The following MDN1 variants were observed in gnomAD, a reference collection of about 807,000 sequenced individuals.
The protein encoded by MDN1 is midasin.
A neutral mutation model predicts 669.2 loss-of-function variants in MDN1; 266 were observed. The ratio of observed to expected loss-of-function variants is 0.40; its 90% confidence interval spans 0.36 to 0.44. The LOEUF is 0.44. Among genes scored for constraint, MDN1 ranks in the 20% least tolerant of loss-of-function variants. The pLI, the probability that MDN1 is intolerant of heterozygous loss-of-function variation, is 1.00. For synonymous variants in MDN1, 2,385 were observed against 2,457.1 expected (o/e 0.97, Z 0.87); for missense variants, 5,940 against 6,754.0 (o/e 0.88, Z 4.22).
rs993794114 is a variant in MDN1 at position 89,819,661 on chromosome 6, C to G, written c.-54G>C. 2.7e-6 allele frequency: 4 copies of G among 1,489,610 alleles called. No homozygotes were observed. The highest frequency in any genetic ancestry group is 1.4e-5 in the African/African-American group (1 of 72,628). The allele number at this position is 1,489,610 out of a possible 1,614,324, so 92.3% of individuals were successfully genotyped here. On this transcript the variant is annotated 5_prime_UTR_variant, in exon 1 of 102. Coordinates refer to ENST00000369393, the MANE Select transcript of MDN1 (RefSeq NM_014611.3). The stretch of plus-strand genomic sequence containing the variant: ...CCTGCGCTCCCTACTTCGCGGCCAG[C>G]GTCCCCAAGCCGCCGAGGTCCCAGT...
At chr6:89,686,810 G>C (rs925539123) in intron 69 of MDN1, 92 bp downstream of exon 69, 1 of 1,505,476 alleles carries the variant, frequency 6.6e-7, no homozygotes. Context: ...CCATGTAGCG[G>C]GAGAAGCGGG....
intron 83 of MDN1, among the ~76,000 whole-genome samples, chr6:89,670,153 TATATATATATATATA>T (rs1810572759): frequency 1.3e-4 from 3 of 22,984 alleles, no homozygotes; most frequent in African/African-American, 2.7e-4. Context: ...TATATATATA[TATATATATATATATA>T]TATTTTTTTT....
chr6:89,815,048 T>A (rs1021653868), intron 1 of MDN1: 14 of 496,614 alleles, frequency 2.8e-5, no homozygotes, highest in African/African-American at 2.6e-4. Context: ...AAGAAAGGGG[T>A]ACAAAAGGGA....
chr6:89,817,919 C>A (rs1349220243), intron 1 of MDN1, among the ~76,000 whole-genome samples: 1 of 152,128 alleles, frequency 6.6e-6, no homozygotes, highest in Non-Finnish European at 1.5e-5. Flanking sequence ...GCTAGTAGCA[C>A]CCCCATAATG....
At position 89,708,517 on chromosome 6, in the gene MDN1, A is replaced by G. The variant is rs1010942441; in HGVS notation, c.7877T>C (p.Leu2626Pro). Residue 2626 changes from leucine to proline, a missense_variant, in exon 51 of 102, where the codon CTT (leucine) becomes CCT (proline). Physicochemically the swap from Leu to Pro is moderately conservative, Grantham distance 98. Around this residue, in one of 5 missense-constraint regions of MDN1, gnomAD observed 2,292 missense variants for 2,638.3 expected, o/e 0.87. Transcript: ENST00000369393. Reference sequence around the variant, plus strand: ...TTACTTGTTTGCAGCTGATTCTAAAAGGGCAAAGAGCTGGTCAGGCTGGTC... The same window carrying G: ...TTACTTGTTTGCAGCTGATTCTAAAGGGGCAAAGAGCTGGTCAGGCTGGTC... ...QTDQPDQLFA[L>P]LESAANKTII... is the part of the protein sequence containing the mutation. The G allele has an allele frequency of 1.5e-5, 25 of 1,613,858 alleles. No homozygotes were observed. The highest frequency in any genetic ancestry group is 1.9e-5 in the Non-Finnish European group (23 of 1,179,948).
chr6:89,672,208 T>C lies in MDN1; in HGVS notation c.13786A>G (p.Lys4596Glu). The change falls in exon 82 of 102, where the codon AAG becomes GAG. Residue 4596 changes from lysine (K) to glutamate (E), a missense_variant. Coordinates refer to ENST00000369393, the MANE Select transcript of MDN1 (RefSeq NM_014611.3). ...AAAGAACAGTTAGTTACCAGGTGCT[T>C]TGCTGCTGTGCCATCCTCACCGTAC... is the stretch of plus-strand genomic sequence containing the variant. ...KSYGEDGTAA[K>E]HLFFSQSCSL... 6.3e-7 allele frequency: 1 copy of C among 1,578,878 alleles called. No individual in the cohort carries two copies. The highest frequency in any genetic ancestry group is 8.6e-7 in the Non-Finnish European group (1 of 1,168,418).
intron 18 of MDN1, 138 bp from the exon 19 acceptor site, chr6:89,758,489 CCTATGTATT>C: frequency 2.8e-6 from 2 of 705,644 alleles, no homozygotes; most frequent in East Asian, 5.4e-5. Context: ...ACTTTCCAGA[CCTATGTATT>C]CAATCTAATC....
Position 89,696,589 on chromosome 6 carries a change from A to G in MDN1, c.9169-15T>C, listed in dbSNP as rs1812759302. On this transcript the variant is annotated splice_polypyrimidine_tract_variant and intron_variant, in intron 59 of 101. Transcript: ENST00000369393. ...TTGCCGGGGCCCTAAAGGACAAGAG[A>G]AGAGTCAATAACTTTTAGAAATTAA... The G allele has an allele frequency of 6.3e-7, 1 of 1,590,254 alleles. No individual in the cohort carries two copies. The highest frequency in any genetic ancestry group is 8.6e-7 in the Non-Finnish European group (1 of 1,158,650).
rs1268745009 is a variant in MDN1, at chr6:89,652,980, G to A, written c.15825+12C>T. 40 of 1,608,852 alleles carry A rather than the reference G, an allele frequency of 2.5e-5. No individual in the cohort carries two copies. Among genetic ancestry groups the A allele is most frequent in the Non-Finnish European group, 3.1e-5 (37 of 1,178,092 alleles). Reference sequence around the variant, plus strand: ...ACACTATATTAATGCAGTAATTTGTGAGTTTTACTACCTGGAAGATCGTGT... The same window carrying A: ...ACACTATATTAATGCAGTAATTTGTAAGTTTTACTACCTGGAAGATCGTGT... On this transcript the variant is annotated intron_variant, in intron 94 of 101. Transcript: ENST00000369393.
chr6:89,803,409 C>A lies in MDN1; in HGVS notation c.248G>T (p.Gly83Val), dbSNP rs766516563. 1.9e-6 allele frequency: 3 copies of A among 1,614,104 alleles called. No homozygotes were observed. In the South Asian group the frequency reaches 3.3e-5, roughly 18 times the overall value. Reference protein sequence around the residue: ...LERNAEAIKAGGQINHDLHER... With the variant: ...LERNAEAIKAVGQINHDLHER... ...ATGCAGATCATGGTTGATTTGGCCT[C>A]CAGCTTTAATGGCTTCGGCATTCCT... is the stretch of plus-strand genomic sequence containing the variant. Residue 83 changes from glycine to valine, a missense_variant, in exon 2 of 102, where the codon GGA becomes GTA. Transcript: ENST00000369393.
rs148886154 is a variant in MDN1, at chr6:89,774,662, C to T, written c.1893G>A (p.Val631=). Residue 631 remains valine (V), a synonymous_variant, in exon 13 of 102, where the codon GTG becomes GTA. Coordinates refer to ENST00000369393, the MANE Select transcript of MDN1 (RefSeq NM_014611.3). ...INELDLQVGR[V]RLLRKQSEAV... is the part of the protein sequence containing the mutation. ...CCTCACTTTGTTTCCGTAGAAGCCG[C>T]ACTCGACCCACTTGCAAATCTAGCT... is the stretch of plus-strand genomic sequence containing the variant. 1.3e-4 allele frequency: 209 copies of T among 1,613,776 alleles called. No homozygotes were observed. In the African/African-American group the frequency reaches 2.6e-3, roughly 20 times the overall value.
chr6:89,757,863 G>C (rs886223549), intron 19 of MDN1, among the ~76,000 whole-genome samples: 11 of 150,768 alleles, frequency 7.3e-5, no homozygotes, highest in African/African-American at 2.7e-4. Flanking sequence ...GGCCAACATA[G>C]TGAAACCCAG....
intron 5 of MDN1, among the ~76,000 whole-genome samples, chr6:89,792,878 G>C (rs1202511222): frequency 6.6e-6 from 1 of 151,972 alleles, no homozygotes; most frequent in Non-Finnish European, 1.5e-5. Context: ...AATTAGCCAG[G>C]CATGGTGGCA....
chr6:89,805,296 C>T (rs1767944632), intron 1 of MDN1, among the ~76,000 whole-genome samples: 1 of 152,078 alleles, frequency 6.6e-6, no homozygotes, highest in African/African-American at 2.4e-5. Flanking sequence ...AATCCCACCA[C>T]TTTGGAAGGC....
Position 89,672,182 on chromosome 6 carries a change from T to A in MDN1, c.13794+18A>T. 6.4e-7 allele frequency: 1 copy of A among 1,557,948 alleles called. No homozygotes were observed. ...TGCATTCTGAAGAGGAAGAAGTTTG[T>A]AAAGAACAGTTAGTTACCAGGTGCT... On this transcript the variant is annotated intron_variant, in intron 82 of 101. Coordinates refer to ENST00000369393, the MANE Select transcript of MDN1 (RefSeq NM_014611.3).
chr6:89,695,895 T>G lies in MDN1; in HGVS notation c.9481A>C (p.Asn3161His). The change falls in exon 61 of 102, where the codon AAC becomes CAC. Residue 3161 changes from asparagine to histidine, a missense_variant. Physicochemically the swap from Asn to His is moderately conservative, Grantham distance 68. Transcript: ENST00000369393. The surrounding 1 kb of genome is among the most constrained non-coding windows in gnomAD (Gnocchi z 4.1). Reference sequence around the variant, plus strand: ...CTCCCAAGCAGCAGCTGCTCACAGTTCTGCATGTACTCCTGCCGCCGGGAC... The same window carrying G: ...CTCCCAAGCAGCAGCTGCTCACAGTGCTGCATGTACTCCTGCCGCCGGGAC... ...PESRRQEYMQ[N>H]CEQLLLGSSQ... 6.2e-7 allele frequency: 1 copy of G among 1,613,230 alleles called. No individual in the cohort carries two copies. Among genetic ancestry groups the G allele is most frequent in the African/African-American group, 1.3e-5 (1 of 75,058 alleles).
In MDN1 at chr6:89,798,200, A is replaced by G. The variant is rs1562231463; in HGVS notation, c.330-3399T>C. On this transcript the variant is annotated intron_variant, in intron 2 of 101. Transcript: ENST00000369393. Reference sequence around the variant, plus strand: ...CTGTCTCAAAAAAAAAAAAAAAAAAAAAGAAAGAAAGTCAAGTTAAAAAGT... The same window carrying G: ...CTGTCTCAAAAAAAAAAAAAAAAAAGAAGAAAGAAAGTCAAGTTAAAAAGT... Among the ~76,000 whole-genome samples, 9 of 150,750 alleles carry G rather than the reference A, an allele frequency of 6.0e-5. No individual in the cohort carries two copies. The South Asian group carries it at 1.9e-3, about 31-fold the overall frequency.
At chr6:89,715,901 G>A in intron 44 of MDN1, 132 bp from the exon 45 acceptor site, 1 of 688,474 alleles carries the variant, frequency 1.5e-6, no homozygotes, top group Non-Finnish European at 2.6e-6. Flanking sequence ...AGATACAACA[G>A]TGATCTCTTT....
At chr6:89,670,232 G>C (rs527666257) in intron 83 of MDN1, among the ~76,000 whole-genome samples, 26 of 133,716 alleles carry the variant, frequency 1.9e-4, no homozygotes, top group Non-Finnish European at 3.4e-4. Context: ...GGAGTGCAAT[G>C]GCATGATTTT....
Sources: gnomAD v4.1 joint callset for allele counts (sites outside exome capture counted in the v4.1 genomes callset) on GRCh38, gnomAD v4.1.1 for gene constraint, gnomAD v4.1.1 regional missense constraint, Gnocchi (gnomAD v3.1) non-coding constraint, MANE v1.5 for transcripts, NCBI Gene and HGNC (gene_info 2026-07-23, HGNC 2026-07-21) for gene names.